AP3B1: variants seen among roughly 807,000 people sequenced by gnomAD.
The protein encoded by AP3B1 is AP-3 complex subunit beta-1.
Under a neutral mutation model 132.5 loss-of-function variants are expected in AP3B1, and 61 were observed. The observed-to-expected ratio is 0.46, with a 90% CI of 0.37 to 0.57. AP3B1 has a LOEUF of 0.57. AP3B1 is among the 20% of genes least tolerant of loss of function. The probability of loss-of-function intolerance (pLI) is 0.00; values close to 1 mark genes in which losing one functional copy is unlikely to be tolerated. For synonymous variants in AP3B1, 388 were observed against 438.3 expected (o/e 0.89, Z 1.43); for missense variants, 1,120 against 1,289.4 (o/e 0.87, Z 2.01).
At chr5:78,073,013 C>T (rs548702684) in intron 22 of AP3B1, among the ~76,000 whole-genome samples, 1 of 152,044 alleles carries the variant, frequency 6.6e-6, no homozygotes, top group Non-Finnish European at 1.5e-5. Flanking sequence ...AGCCACCACG[C>T]CCAGCCCACG....
At chr5:78,232,489 G>C (rs1415528236) in intron 3 of AP3B1, among the ~76,000 whole-genome samples, 1 of 152,098 alleles carries the variant, frequency 6.6e-6, no homozygotes, top group Non-Finnish European at 1.5e-5. Context: ...TTAGGACCCT[G>C]AAAGTCCATC....
At position 78,216,045 on chromosome 5, in the gene AP3B1, C is replaced by CAACA; in HGVS notation, c.786+6_786+9dup. The CAACA allele has an allele frequency of 5.0e-6, 8 of 1,613,768 alleles. No individual in the cohort carries two copies. The highest frequency in any genetic ancestry group is 6.8e-6 in the Non-Finnish European group (8 of 1,179,728). ...GTATACTTGAAAGTGGAAGACTGTT[C>CAACA]AACACTTACCTCTTTCCAAGGGCTG... On this transcript the variant is annotated intron_variant, in intron 7 of 26. Transcript: ENST00000255194.
intron 18 of AP3B1, chr5:78,115,924 A>T: frequency 1.7e-6 from 1 of 601,726 alleles, no homozygotes; most frequent in Non-Finnish European, 3.0e-6. Context: ...TATCCAAGAG[A>T]TATTGTAAAG....
At chr5:78,025,166 G>A (rs2112074974) in intron 24 of AP3B1, among the ~76,000 whole-genome samples, 1 of 152,250 alleles carries the variant, frequency 6.6e-6, no homozygotes. Flanking sequence ...GGGAACCACT[G>A]AGTTACATCA....
chr5:78,117,496 G>C (rs763922750), intron 17 of AP3B1, among the ~76,000 whole-genome samples: 3 of 151,912 alleles, frequency 2.0e-5, no homozygotes, highest in Non-Finnish European at 4.4e-5. Context: ...TTTTAGTAGA[G>C]ACAGGATTTC....
intron 12 of AP3B1, among the ~76,000 whole-genome samples, chr5:78,163,652 T>TACAC (rs927773026): frequency 6.9e-6 from 1 of 144,836 alleles, no homozygotes; most frequent in African/African-American, 2.5e-5. Flanking sequence ...TATATATATA[T>TACAC]ACACACACAC....
intron 7 of AP3B1, among the ~76,000 whole-genome samples, chr5:78,210,976 C>T (rs1314316439): frequency 6.6e-6 from 1 of 152,030 alleles, no homozygotes. Flanking sequence ...ATTATACAAA[C>T]TTGACCTAGA....
intron 22 of AP3B1, chr5:78,043,383 G>A (rs1455020111): frequency 5.5e-6 from 1 of 183,346 alleles, no homozygotes; most frequent in African/African-American, 2.4e-5. Flanking sequence ...TGCCACCTCA[G>A]CCTCCCAAAG....
At chr5:78,241,033 ACT>A in intron 2 of AP3B1, 97 bp from the exon 3 acceptor site, 1 of 844,246 alleles carries the variant, frequency 1.2e-6, no homozygotes, top group Non-Finnish European at 2.0e-6. Context: ...TAACCGCTGA[ACT>A]CTTTTTGAAT....
intron 14 of AP3B1, among the ~76,000 whole-genome samples, chr5:78,153,469 G>C (rs1169912605): frequency 1.3e-5 from 2 of 151,534 alleles, no homozygotes; most frequent in Non-Finnish European, 2.9e-5. Context: ...GCTTCTTGTA[G>C]GCACCAGATC....
In AP3B1 at chr5:78,003,146, T is replaced by C. The variant is rs1469251807; in HGVS notation, c.3132-91A>G. The C allele has an allele frequency of 1.2e-5, 18 of 1,442,872 alleles. No individual in the cohort carries two copies. In the East Asian group the frequency reaches 4.2e-4, roughly 33 times the overall value. 89.4% of individuals were successfully genotyped at this position (1,442,872 alleles called of 1,614,324 possible). On this transcript the variant is annotated intron_variant, in intron 26 of 26. Transcript: ENST00000255194. Reference sequence around the variant, plus strand: ...CAAATAGGATTAAAATAACTCTTTTTTGTCAAATGAAATAATTTGCTGCAG... The same window carrying C: ...CAAATAGGATTAAAATAACTCTTTTCTGTCAAATGAAATAATTTGCTGCAG...
chr5:78,113,982 C>A, intron 18 of AP3B1, 59 bp from the exon 19 acceptor site: 1 of 1,552,298 alleles, frequency 6.4e-7, no homozygotes, highest in Middle Eastern at 1.7e-4. Context: ...CACACGGACA[C>A]CTGTAACTGT....
chr5:78,213,875 T>C (rs1490423827), intron 7 of AP3B1, among the ~76,000 whole-genome samples: 3 of 152,232 alleles, frequency 2.0e-5, no homozygotes, highest in African/African-American at 7.2e-5. Context: ...TTTCTATCTG[T>C]CTTTTAAGCC....
intron 11 of AP3B1, among the ~76,000 whole-genome samples, chr5:78,171,087 G>A (rs896662292): frequency 6.6e-6 from 1 of 152,046 alleles, no homozygotes; most frequent in Non-Finnish European, 1.5e-5. Flanking sequence ...TGTTCCATTG[G>A]TCTATATATC....
intron 1 of AP3B1, among the ~76,000 whole-genome samples, chr5:78,276,068 G>A (rs1410922753): frequency 7.0e-6 from 1 of 143,020 alleles, no homozygotes; most frequent in Non-Finnish European, 1.6e-5. Flanking sequence ...CTCACATAAT[G>A]GTAATTTTTT....
chr5:78,274,126 G>A lies in AP3B1; in HGVS notation c.129-6531C>T, dbSNP rs545278213. ...ATTTTAAAATAATTACAATTAACAT[G>A]GTCAGGAAAATGTAGAAGAGATGGA... On this transcript the variant is annotated intron_variant, in intron 1 of 26. Coordinates refer to ENST00000255194, the MANE Select transcript of AP3B1 (RefSeq NM_003664.5). Among the ~76,000 whole-genome samples the A allele has an allele frequency of 3.0e-4, 45 of 150,346 alleles. No individual in the cohort carries two copies. The South Asian group carries it at 8.8e-3, about 29-fold the overall frequency.
At position 78,149,987 on chromosome 5, in the gene AP3B1, C is replaced by T. The variant is rs550548349; in HGVS notation, c.1473+6271G>A. On this transcript the variant is annotated intron_variant, in intron 14 of 26. Coordinates refer to ENST00000255194, the MANE Select transcript of AP3B1 (RefSeq NM_003664.5). ...AACTGCCTTGCAAGCTTTACTAACA[C>T]CCTAAGGGAAAGACAATTTTGCCAC... 1.1e-4 allele frequency among the ~76,000 whole-genome samples: 16 copies of T among 151,934 alleles called. No individual in the cohort carries two copies. In the South Asian group the frequency reaches 2.9e-3, roughly 28 times the overall value.
At chr5:78,112,150 T>C (rs564579106) in intron 19 of AP3B1, among the ~76,000 whole-genome samples, 2 of 152,016 alleles carry the variant, frequency 1.3e-5, no homozygotes, top group East Asian at 1.9e-4. Context: ...GACAGAAAAA[T>C]ACAGGGGGAG....
chr5:78,096,004 G>A (rs1233184263), intron 21 of AP3B1, among the ~76,000 whole-genome samples: 4 of 152,114 alleles, frequency 2.6e-5, no homozygotes, highest in African/African-American at 9.7e-5. Flanking sequence ...AAAAGCTTGT[G>A]TCCCTGTCCC....
Sources: allele counts gnomAD v4.1 joint callset (sites outside exome capture counted in the v4.1 genomes callset), GRCh38; gene constraint gnomAD v4.1.1; transcripts MANE v1.5; gene names NCBI Gene and HGNC (gene_info 2026-07-23, HGNC 2026-07-21).